TULP3: variants seen among roughly 807,000 people sequenced by gnomAD.
The protein encoded by TULP3 is tubby-related protein 3.
In TULP3, 38 loss-of-function variants were observed where a neutral mutation model predicts 50.7. The ratio of observed to expected loss-of-function variants is 0.75; its 90% CI spans 0.58 to 0.98. The LOEUF (loss-of-function observed/expected upper bound fraction) is 0.98, where lower values mean the gene tolerates loss of function less well. Among genes scored for constraint, TULP3 ranks in the 50% least tolerant of loss-of-function variants. The pLI, the probability that TULP3 is intolerant of heterozygous loss-of-function variation, is 0.00. For missense variants in TULP3, 550 were observed against 568.0 expected (o/e 0.97, Z 0.32); for synonymous variants, 183 against 196.6 (o/e 0.93, Z 0.58).
rs374269179 is a variant in TULP3 at position 2,934,410 on chromosome 12, T to C, written c.810-37T>C. Reference sequence around the variant, plus strand: ...GATTGTGTTTGTATAAGAAAAAAAATACAGATCATCATGGTGACTTTTTCT... The same window carrying C: ...GATTGTGTTTGTATAAGAAAAAAAACACAGATCATCATGGTGACTTTTTCT... On this transcript the variant is annotated intron_variant, in intron 7 of 10. Transcript: ENST00000448120. The C allele has an allele frequency of 3.0e-5, 41 of 1,382,950 alleles. No homozygotes were observed. In the African/African-American group the frequency reaches 5.5e-4, roughly 19 times the overall value. 85.7% of individuals were successfully genotyped at this position (1,382,950 alleles called of 1,614,324 possible).
At chr12:2,913,499 A>G (rs2098186870) in intron 2 of TULP3, among the ~76,000 whole-genome samples, 1 of 152,052 alleles carries the variant, frequency 6.6e-6, no homozygotes, top group African/African-American at 2.4e-5. Flanking sequence ...TGTGACTTCA[A>G]GTGATCCTCC....
chr12:2,896,876 A>G (rs966927851), intron 1 of TULP3, among the ~76,000 whole-genome samples: 7 of 152,160 alleles, frequency 4.6e-5, no homozygotes, highest in African/African-American at 1.4e-4. Flanking sequence ...ATCACACATC[A>G]TATGTGAAAA....
At chr12:2,916,666 G>A (rs1186305121) in intron 2 of TULP3, among the ~76,000 whole-genome samples, 2 of 152,082 alleles carry the variant, frequency 1.3e-5, no homozygotes, top group Non-Finnish European at 2.9e-5. Flanking sequence ...AGGTTTTCAG[G>A]GAAGTAAAAT....
In TULP3 at chr12:2,911,259, G is replaced by A. The variant is rs116601644; in HGVS notation, c.93+1679G>A. On this transcript the variant is annotated intron_variant, in intron 2 of 10. Transcript: ENST00000448120. ...AAACATAAGAATTCAAATAATATAA[G>A]ATAGATGTTTGATGAAAACATCTCT... is the stretch of plus-strand genomic sequence containing the variant. Among the ~76,000 whole-genome samples the A allele has an allele frequency of 5.1e-3, 775 of 151,958 alleles. 10 individuals are homozygous for A. Among genetic ancestry groups the A allele is most frequent in the African/African-American group, 0.018 (748 of 41,474 alleles).
rs2153950044 is a variant in TULP3, at chr12:2,928,305, C to T, written c.395-1943C>T. ...CAGCACTTTGGGAGGCTTAGGCGGA[C>T]AGATCACCTGAGGTTGGGAGTTCGA... is the stretch of plus-strand genomic sequence containing the variant. On this transcript the variant is annotated intron_variant, in intron 4 of 10. Transcript: ENST00000448120. Among the ~76,000 whole-genome samples the T allele has an allele frequency of 2.0e-5, 3 of 152,200 alleles. No homozygotes were observed. In the Middle Eastern group the frequency reaches 0.01, roughly 518 times the overall value.
chr12:2,926,656 CTT>C (rs1234814891), intron 4 of TULP3, among the ~76,000 whole-genome samples: 3 of 152,138 alleles, frequency 2.0e-5, no homozygotes, highest in Non-Finnish European at 4.4e-5. Flanking sequence ...AATTCCAGCA[CTT>C]TGGGAGGCAG....
At position 2,930,319 on chromosome 12, in the gene TULP3, A is replaced by C. The variant is rs1442011229; in HGVS notation, c.466A>C (p.Asn156His). ...CCAGTCAGCATGTTTAGAAAGACCC[A>C]ATTCTGCATCAAGCCAGAATTCAAC... ...ISQSACLERP[N>H]SASSQNSTDT... Residue 156 changes from asparagine to histidine, a missense_variant, in exon 5 of 11, where the codon AAT becomes CAT. Physicochemically the swap from Asn to His is moderately conservative, Grantham distance 68. Transcript: ENST00000448120. 3.1e-6 allele frequency: 5 copies of C among 1,612,342 alleles called. No individual in the cohort carries two copies. The African/African-American group carries it at 5.3e-5, about 17-fold the overall frequency.
At chr12:2,917,471 C>CA (rs111993395) in intron 2 of TULP3, among the ~76,000 whole-genome samples, 313 of 133,474 alleles carry the variant, frequency 2.3e-3, no homozygotes, top group Middle Eastern at 0.013. Flanking sequence ...GACTCTGTCT[C>CA]AAAAAAAAAA....
chr12:2,905,473 C>T (rs1012656135), intron 1 of TULP3, among the ~76,000 whole-genome samples: 2 of 152,236 alleles, frequency 1.3e-5, no homozygotes, highest in Non-Finnish European at 1.5e-5. Context: ...CATGAGCCAC[C>T]GCACCCGGCC....
chr12:2,924,148 T>G (rs1044185254), intron 4 of TULP3, among the ~76,000 whole-genome samples: 14 of 152,146 alleles, frequency 9.2e-5, no homozygotes, highest in African/African-American at 3.4e-4. Flanking sequence ...AGCTAGAAAA[T>G]CAAGGTGCTG....
rs188032147 is a variant in TULP3, at chr12:2,933,987, G to T, written c.809+457G>T. ...AAATAAGGCTGGTGTGGTGGCTCAG[G>T]CCTATAATCCCAGCATTTGGGGAGG... On this transcript the variant is annotated intron_variant, in intron 7 of 10. Coordinates refer to ENST00000448120, the MANE Select transcript of TULP3 (RefSeq NM_003324.5). Among the ~76,000 whole-genome samples the T allele has an allele frequency of 6.6e-5, 10 of 152,210 alleles. 1 individual carries two copies. Among genetic ancestry groups the T allele is most frequent in the Admixed American group, 6.5e-4 (10 of 15,270 alleles).
At chr12:2,917,674 G>C (rs1040370358) in intron 2 of TULP3, among the ~76,000 whole-genome samples, 1 of 151,872 alleles carries the variant, frequency 6.6e-6, no homozygotes, top group Admixed American at 6.6e-5. Flanking sequence ...TCAGGAGATC[G>C]AGACCATCCT....
intron 3 of TULP3, among the ~76,000 whole-genome samples, chr12:2,921,998 G>A (rs1050540762): frequency 6.6e-6 from 1 of 152,120 alleles, no homozygotes; most frequent in African/African-American, 2.4e-5. Flanking sequence ...TGGGAGGATC[G>A]TTTGAGCCTA....
rs1330200867 is a variant in TULP3 at position 2,940,383 on chromosome 12, C to T, written c.*939C>T. The T allele has an allele frequency of 2.8e-6, 4 of 1,450,058 alleles. No individual in the cohort carries two copies. Among genetic ancestry groups the T allele is most frequent in the Admixed American group, 2.6e-5 (1 of 37,804 alleles). The allele number at this position is 1,450,058 out of a possible 1,614,324, so 89.8% of individuals were successfully genotyped here. ...GGGAGGATCAGCCAGCAGACATGAG[C>T]ACTGCTGGCCCGTGTGGCAGAGCTG... On this transcript the variant is annotated 3_prime_UTR_variant, in exon 11 of 11. Coordinates refer to ENST00000448120, the MANE Select transcript of TULP3 (RefSeq NM_003324.5).
intron 1 of TULP3, among the ~76,000 whole-genome samples, chr12:2,894,495 A>G (rs1479291920): frequency 1.3e-5 from 2 of 151,896 alleles, no homozygotes; most frequent in African/African-American, 4.8e-5. Flanking sequence ...AGACTGTGCC[A>G]CTGCACTCTA....
At chr12:2,897,838 G>T (rs1393737326) in intron 1 of TULP3, among the ~76,000 whole-genome samples, 1 of 151,142 alleles carries the variant, frequency 6.6e-6, no homozygotes, top group Admixed American at 6.6e-5. Flanking sequence ...CAGCACTTTG[G>T]GAGGGCAAGG....
intron 1 of TULP3, among the ~76,000 whole-genome samples, chr12:2,898,957 G>C (rs2098177203): frequency 6.6e-6 from 1 of 152,082 alleles, no homozygotes; most frequent in Non-Finnish European, 1.5e-5. Flanking sequence ...GGGATGACAG[G>C]CATGAGTCAC....
At chr12:2,900,374 C>T (rs2098178429) in intron 1 of TULP3, among the ~76,000 whole-genome samples, 1 of 152,176 alleles carries the variant, frequency 6.6e-6, no homozygotes, top group Non-Finnish European at 1.5e-5. Flanking sequence ...ATGTTGCCTG[C>T]AGTAACCTGT....
rs775936484 is a variant in TULP3, at chr12:2,922,357, G to A, written c.349G>A (p.Asp117Asn). Reference sequence around the variant, plus strand: ...GGAAGAAGATGCTGAAAACACCGTGGATACTGCTTCCAAGCCAGGACTTCA... The same window carrying A: ...GGAAGAAGATGCTGAAAACACCGTGAATACTGCTTCCAAGCCAGGACTTCA... ...VVEEDAENTV[D>N]TASKPGLQER... Residue 117 changes from aspartate to asparagine, a missense_variant, in exon 4 of 11, where the codon GAT becomes AAT. Transcript: ENST00000448120. 1 of 1,614,088 alleles carries A rather than the reference G, an allele frequency of 6.2e-7. No homozygotes were observed. The highest frequency in any genetic ancestry group is 1.7e-5 in the Admixed American group (1 of 59,974).
Sources: gnomAD v4.1 joint callset for allele counts (sites outside exome capture counted in the v4.1 genomes callset) on GRCh38, gnomAD v4.1.1 for gene constraint, MANE v1.5 for transcripts, NCBI Gene and HGNC (gene_info 2026-07-23, HGNC 2026-07-21) for gene names.